DMD: variants seen among roughly 807,000 people sequenced by gnomAD.
DMD encodes mutant dystrophin.
In DMD, 63 loss-of-function variants were observed where a neutral mutation model predicts 330.1. The ratio of observed to expected loss-of-function variants is 0.19; its 90% CI spans 0.16 to 0.24. The LOEUF (loss-of-function observed/expected upper bound fraction) is 0.24. Among genes scored for constraint, DMD ranks in the 10% least tolerant of loss-of-function variants. The probability of loss-of-function intolerance (pLI) is 1.00; values close to 1 mark genes in which losing one functional copy is unlikely to be tolerated. For synonymous variants in DMD, 1,223 were observed against 959.8 expected (o/e 1.27, Z -5.07); for missense variants, 3,344 against 2,684.1 (o/e 1.25, Z -5.43).
intron 42 of DMD, among the ~76,000 whole-genome samples, chrX:32,290,516 C>T (rs939127647): frequency 2.1e-4 from 24 of 111,852 alleles, no homozygotes; most frequent in African/African-American, 7.1e-4. Flanking sequence ...TTCTATTTAA[C>T]GGAAAAATCA....
chrX:32,904,891 G>T (rs2086603605), intron 2 of DMD, among the ~76,000 whole-genome samples: 1 of 112,001 alleles, frequency 8.9e-6, no homozygotes, highest in Non-Finnish European at 1.9e-5. Flanking sequence ...TGTTTTAATG[G>T]TGTATGATTC....
At position 32,485,067 on chromosome X, in the gene DMD, A is replaced by T; in HGVS notation, c.2655T>A (p.Pro885=). The change falls in exon 21 of 79, where the codon CCT becomes CCA. Residue 885 remains proline (P), a synonymous_variant. Transcript: ENST00000357033. ...TTTGAATTTTTAATCGTTCAATTTG[A>T]GGTTGAAGATCTGATAGCCGGTTGA... ...DEVNRLSDLQ[P]QIERLKIQSI... 2 of 1,211,120 alleles carry T rather than the reference A, an allele frequency of 1.7e-6. No homozygotes were observed. The highest frequency in any genetic ancestry group is 2.2e-6 in the Non-Finnish European group (2 of 894,978).
At chrX:32,846,803 TCA>T (rs1431632118) in intron 3 of DMD, among the ~76,000 whole-genome samples, 5 of 97,378 alleles carry the variant, frequency 5.1e-5, no homozygotes, top group South Asian at 5.4e-4. Context: ...GATCAGGAGC[TCA>T]AGACCAGCCT....
chrX:31,213,955 A>G (rs187015448), intron 64 of DMD, among the ~76,000 whole-genome samples: 44 of 112,714 alleles, frequency 3.9e-4, no homozygotes, highest in Middle Eastern at 4.6e-3. Flanking sequence ...CTGATGGTGT[A>G]ACTTTCTAGT....
At position 32,819,005 on chromosome X, in the gene DMD, GT is replaced by G. The variant is rs55923814; in HGVS notation, c.358-2366del. Among the ~76,000 whole-genome samples the G allele has an allele frequency of 3.8e-3, 267 of 69,830 alleles. 1 individual carries two copies. The highest frequency in any genetic ancestry group is 0.017 in the East Asian group (38 of 2,227). The allele number at this position is 69,830 out of a possible 115,157, so 60.6% of individuals were successfully genotyped here. A position where few individuals can be genotyped will look rare whatever the true frequency, so the allele number is the denominator to read the frequency against. On this transcript the variant is annotated intron_variant, in intron 5 of 78. Coordinates refer to ENST00000357033, the MANE Select transcript of DMD (RefSeq NM_004006.3). ...CTGTCACCTCTGCCCTTCTACAGGT[GT>G]TTTTTTTTTTTTTTTTTTTTCCAGG...
intron 1 of DMD, among the ~76,000 whole-genome samples, chrX:33,287,727 T>C (rs1182423170): frequency 1.8e-5 from 2 of 111,310 alleles, no homozygotes; most frequent in African/African-American, 6.5e-5. Flanking sequence ...AGTGCAAAAA[T>C]AGAAGCTGAA....
intron 17 of DMD, among the ~76,000 whole-genome samples, chrX:32,544,696 G>A (rs6653875): frequency 0.11 from 12,636 of 110,020 alleles, 947 homozygotes; most frequent in African/African-American, 0.26. Context: ...TTTAGGATGC[G>A]CAGACTGAGA....
intron 1 of DMD, among the ~76,000 whole-genome samples, chrX:33,272,777 C>A (rs6653896): frequency 9.0e-6 from 1 of 110,718 alleles, no homozygotes; most frequent in African/African-American, 3.3e-5. Context: ...TGAGACATTA[C>A]TGGGTCAAAT....
chrX:32,635,442 T>C (rs1210131527), intron 11 of DMD, among the ~76,000 whole-genome samples: 1 of 111,786 alleles, frequency 8.9e-6, no homozygotes, highest in African/African-American at 3.3e-5. Context: ...TCCTCCACAA[T>C]AAACTTCGAG....
intron 1 of DMD, among the ~76,000 whole-genome samples, chrX:33,191,238 G>A (rs73623918): frequency 0.017 from 1,744 of 105,463 alleles, 29 homozygotes; most frequent in African/African-American, 0.056. Flanking sequence ...TTTTAGAACA[G>A]TGGCTCTAAA....
At chrX:32,845,504 A>C (rs989583990) in intron 3 of DMD, among the ~76,000 whole-genome samples, 1 of 111,527 alleles carries the variant, frequency 9.0e-6, no homozygotes, top group African/African-American at 3.3e-5. Context: ...ATTTACTCTC[A>C]TTTTCATTTC....
chrX:31,612,568 T>C (rs2077981971), intron 55 of DMD, among the ~76,000 whole-genome samples: 1 of 111,639 alleles, frequency 9.0e-6, no homozygotes, highest in Non-Finnish European at 1.9e-5. Flanking sequence ...AGAGATGAAC[T>C]AAACTGAGAA....
chrX:31,828,831 A>G lies in DMD; in HGVS notation c.7200+7887T>C, dbSNP rs142946246. Among the ~76,000 whole-genome samples the G allele has an allele frequency of 3.1e-3, 350 of 111,277 alleles. 1 individual carries two copies. Among genetic ancestry groups the G allele is most frequent in the African/African-American group, 0.01 (318 of 30,675 alleles). ...AATTGGTACCAATTATAATGAAACT[A>G]TTTCAAAAGATAAAGAGGGAATCCT... On this transcript the variant is annotated intron_variant, in intron 49 of 78. Transcript: ENST00000357033.
intron 18 of DMD, among the ~76,000 whole-genome samples, chrX:32,512,166 C>T (rs1431492100): frequency 1.8e-5 from 2 of 111,922 alleles, no homozygotes; most frequent in Admixed American, 1.9e-4. Context: ...TCACAAATTC[C>T]TCAATAAGTT....
At chrX:32,971,725 T>C (rs1203527122) in intron 2 of DMD, among the ~76,000 whole-genome samples, 1 of 110,961 alleles carries the variant, frequency 9.0e-6, no homozygotes, top group Non-Finnish European at 1.9e-5. Flanking sequence ...ATGTTCTATG[T>C]TCTATAGTAT....
chrX:31,914,162 G>C (rs1421813874), intron 47 of DMD, among the ~76,000 whole-genome samples: 1 of 111,947 alleles, frequency 8.9e-6, no homozygotes, highest in African/African-American at 3.3e-5. Flanking sequence ...TGTGGAGAGG[G>C]AGAGAAGTAC....
At chrX:32,786,944 C>G (rs1308969981) in intron 7 of DMD, among the ~76,000 whole-genome samples, 1 of 97,638 alleles carries the variant, frequency 1.0e-5, no homozygotes, top group African/African-American at 3.9e-5. Flanking sequence ...AAATATCACA[C>G]CAGATTACAT....
At chrX:31,705,939 T>C (rs2084150723) in intron 52 of DMD, among the ~76,000 whole-genome samples, 1 of 111,305 alleles carries the variant, frequency 9.0e-6, no homozygotes. Context: ...ATGCATGAAA[T>C]TGAAATAAGA....
chrX:33,094,423 A>G (rs1211994554), intron 1 of DMD, among the ~76,000 whole-genome samples: 2 of 112,217 alleles, frequency 1.8e-5, no homozygotes, highest in Non-Finnish European at 3.8e-5. Context: ...ATTAGGCTAG[A>G]AGAAATAGCA....
Sources: allele counts gnomAD v4.1 joint callset (sites outside exome capture counted in the v4.1 genomes callset), GRCh38; gene constraint gnomAD v4.1.1; transcripts MANE v1.5; gene names NCBI Gene and HGNC (gene_info 2026-07-23, HGNC 2026-07-21).